Variants in PRH1 observed in about 807,000 individuals in gnomAD.
PRH1 encodes the protein salivary acidic proline-rich phosphoprotein 1/2.
Under a neutral mutation model 7.9 loss-of-function variants are expected in PRH1, and 7 were observed. The observed-to-expected ratio is 0.89, with a 90% CI of 0.50 to 1.67. The LOEUF (loss-of-function observed/expected upper bound fraction) is 1.67. Ranked by LOEUF, PRH1 falls within the 40% of genes most tolerant of loss-of-function variation. The pLI is 0.00. For synonymous variants in PRH1, 45 were observed against 80.8 expected, an observed-to-expected ratio of 0.56 and a Z score of 2.38; for missense variants, 109 against 223.6, an observed-to-expected ratio of 0.49 and a Z score of 3.27.
intron 2 of PRH1, among the ~76,000 whole-genome samples, chr12:10,899,176 G>A (rs1949689918): frequency 6.6e-6 from 1 of 152,200 alleles, no homozygotes; most frequent in African/African-American, 2.4e-5. Flanking sequence ...TAGCTGGAAG[G>A]AACTTGACTT....
chr12:11,019,611 C>CT (rs1941487203), intron 1 of PRH1, among the ~76,000 whole-genome samples: 2 of 152,238 alleles, frequency 1.3e-5, no homozygotes, highest in Non-Finnish European at 2.9e-5. Flanking sequence ...AAATGAAATG[C>CT]CTTTTTGTGT....
chr12:11,145,936 G>C (rs1946846937), intron 1 of PRH1, among the ~76,000 whole-genome samples: 1 of 151,966 alleles, frequency 6.6e-6, no homozygotes, highest in South Asian at 2.1e-4. Flanking sequence ...CTCTATAACT[G>C]TTTTTGCATA....
intron 2 of PRH1, among the ~76,000 whole-genome samples, chr12:10,918,248 G>A (rs2135842303): frequency 6.6e-6 from 1 of 152,216 alleles, no homozygotes; most frequent in African/African-American, 2.4e-5. Context: ...GAGCATTAGA[G>A]AAAAGAGTTG....
intron 1 of PRH1, among the ~76,000 whole-genome samples, chr12:11,095,831 T>TA (rs1945059144): frequency 1.7e-5 from 2 of 115,408 alleles, no homozygotes; most frequent in Non-Finnish European, 4.1e-5. Flanking sequence ...TAATAATAAT[T>TA]TTTCTTTTAT....
At chr12:10,911,380 A>G (rs1415460328) in intron 2 of PRH1, among the ~76,000 whole-genome samples, 3 of 152,208 alleles carry the variant, frequency 2.0e-5, no homozygotes, top group African/African-American at 7.2e-5. Context: ...TCCATAAGAG[A>G]AAACATTTAA....
chr12:11,026,829 T>C (rs1383361851), intron 1 of PRH1, among the ~76,000 whole-genome samples: 1 of 152,114 alleles, frequency 6.6e-6, no homozygotes, highest in Non-Finnish European at 1.5e-5. Flanking sequence ...TGAATGGTTC[T>C]TAATCTACAC....
chr12:11,021,234 T>G (rs1565558479), intron 1 of PRH1, among the ~76,000 whole-genome samples: 1 of 152,170 alleles, frequency 6.6e-6, no homozygotes, highest in Non-Finnish European at 1.5e-5. Context: ...GATTTAAAAT[T>G]GAATGTCTTT....
chr12:11,071,891 T>C (rs1256879347), intron 1 of PRH1, among the ~76,000 whole-genome samples: 2 of 152,186 alleles, frequency 1.3e-5, no homozygotes, highest in African/African-American at 4.8e-5. Context: ...CCTTACCTTA[T>C]AAAAGTGTCT....
At chr12:11,163,719 G>A (rs1174662819) in intron 1 of PRH1, among the ~76,000 whole-genome samples, 1 of 152,214 alleles carries the variant, frequency 6.6e-6, no homozygotes, top group Non-Finnish European at 1.5e-5. Flanking sequence ...TTATTAAAGT[G>A]TATCAGAGAA....
chr12:11,081,164 A>G (rs114573321), intron 1 of PRH1, among the ~76,000 whole-genome samples: 2,319 of 131,736 alleles, frequency 0.018, 163 homozygotes, highest in South Asian at 0.032. Context: ...GTTACCCTCT[A>G]GCTTTGTATA....
At chr12:10,943,499 T>C (rs1950436657) in intron 2 of PRH1, among the ~76,000 whole-genome samples, 1 of 152,142 alleles carries the variant, frequency 6.6e-6, no homozygotes, top group East Asian at 1.9e-4. Flanking sequence ...TGTTTGCAAA[T>C]ATTTTCTTTC....
chr12:10,997,913 T>G, intron 1 of PRH1: 5 of 1,386,368 alleles, frequency 3.6e-6, no homozygotes, highest in Non-Finnish European at 4.9e-6. Flanking sequence ...TCAGGCCTAA[T>G]GTCACTGATG....
At chr12:11,030,919 A>T (rs1288077879) in intron 1 of PRH1, 11 of 1,614,132 alleles carry the variant, frequency 6.8e-6, no homozygotes, top group Non-Finnish European at 8.5e-6. Flanking sequence ...GACAAGCCAA[A>T]AATAGTAAAG....
At chr12:11,018,837 C>T (rs1431862594) in intron 1 of PRH1, among the ~76,000 whole-genome samples, 2 of 152,262 alleles carry the variant, frequency 1.3e-5, no homozygotes, top group South Asian at 2.1e-4. Context: ...GTCTGCAAAT[C>T]AACTGTCAAG....
chr12:10,938,507 A>G (rs1446893641), intron 2 of PRH1: 2 of 1,614,048 alleles, frequency 1.2e-6, no homozygotes, highest in African/African-American at 1.3e-5. Flanking sequence ...GAAGAAAGTG[A>G]TCACACTTTT....
chr12:10,909,583 G>T (rs142346419), intron 2 of PRH1: 54 of 374,558 alleles, frequency 1.4e-4, no homozygotes, highest in African/African-American at 1.1e-3. Context: ...AGATGATTAT[G>T]CAGCAAAGTT....
chr12:10,890,384 GGTGTGTGT>G (rs112808907), intron 2 of PRH1, among the ~76,000 whole-genome samples: 161 of 150,788 alleles, frequency 1.1e-3, no homozygotes, highest in African/African-American at 3.8e-3. Context: ...TCCTAACTTT[GGTGTGTGT>G]GTGTGTGTGT....
intron 2 of PRH1, chr12:10,930,275 G>C (rs1463502008): frequency 6.2e-7 from 1 of 1,613,238 alleles, no homozygotes; most frequent in Admixed American, 1.7e-5. Flanking sequence ...CTAGATGTCA[G>C]CCAAGAAGAC....
chr12:11,070,084 C>G (rs1358295139), intron 1 of PRH1, among the ~76,000 whole-genome samples: 2 of 152,140 alleles, frequency 1.3e-5, no homozygotes, highest in Non-Finnish European at 2.9e-5. Flanking sequence ...CAAGGAATGT[C>G]AGGTGGCCAT....
Sources: gnomAD v4.1 joint callset for allele counts (sites outside exome capture counted in the v4.1 genomes callset) on GRCh38, gnomAD v4.1.1 for gene constraint, MANE v1.5 for transcripts, NCBI Gene and HGNC (gene_info 2026-07-23, HGNC 2026-07-21) for gene names.